The following DHX9 variants were observed in gnomAD, a reference collection of about 807,000 sequenced individuals.
The protein encoded by DHX9 is DExH-box helicase 9, also known as ATP-dependent RNA helicase A.
In DHX9, 27 loss-of-function variants were observed where a neutral mutation model predicts 148.7. That is an observed-to-expected ratio of 0.18 (90% CI 0.13 to 0.25). The LOEUF (loss-of-function observed/expected upper bound fraction) is 0.25, where lower values mean the gene tolerates loss of function less well. Among genes scored for constraint, DHX9 ranks in the 10% least tolerant of loss-of-function variants. The pLI is 1.00. For missense variants in DHX9, 796 were observed against 1,559.6 expected (o/e 0.51, Z 8.25); for synonymous variants, 529 against 516.6 (o/e 1.02, Z -0.33).
intron 6 of DHX9, among the ~76,000 whole-genome samples, chr1:182,855,353 G>T (rs1161514107): frequency 6.6e-6 from 1 of 152,174 alleles, no homozygotes; most frequent in Non-Finnish European, 1.5e-5. Context: ...ATAGATTTCT[G>T]ATACAAAGCA....
At chr1:182,850,151 A>G (rs778778028) in intron 3 of DHX9, among the ~76,000 whole-genome samples, 2 of 151,990 alleles carry the variant, frequency 1.3e-5, no homozygotes, top group African/African-American at 2.4e-5. Context: ...GTGTGGAACC[A>G]TATCCTTAAG....
Position 182,887,522 on chromosome 1 carries a change from C to T in DHX9, c.*88C>T, listed in dbSNP as rs115895928. 963 of 1,243,506 alleles carry T rather than the reference C, an allele frequency of 7.7e-4. 8 individuals carry two copies. The African/African-American group carries it at 0.013, about 17-fold the overall frequency. 77.0% of individuals were successfully genotyped at this position (1,243,506 alleles called of 1,614,324 possible). ...GTGTTTTTTCCAGTATGTTTATTTGCCACCAAAAAGTAAATGCATTTTCAC... is the reference window on the plus strand; with the variant it reads ...GTGTTTTTTCCAGTATGTTTATTTGTCACCAAAAAGTAAATGCATTTTCAC... On this transcript the variant is annotated 3_prime_UTR_variant, in exon 28 of 28. Coordinates refer to ENST00000367549, the MANE Select transcript of DHX9 (RefSeq NM_001357.5).
chr1:182,856,626 G>C (rs1210890142), intron 7 of DHX9, 48 bp downstream of exon 7: 1 of 1,549,254 alleles, frequency 6.5e-7, no homozygotes, highest in South Asian at 1.1e-5. Flanking sequence ...TATAGAGAAG[G>C]AATCTTCACA....
chr1:182,884,253 A>G (rs567989925), intron 26 of DHX9, among the ~76,000 whole-genome samples: 1 of 152,290 alleles, frequency 6.6e-6, no homozygotes, highest in Admixed American at 6.5e-5. Context: ...CGAGGGCAAC[A>G]GAGCAAGACT....
intron 2 of DHX9, 98 bp downstream of exon 2, chr1:182,842,775 AT>A (rs1667955201): frequency 1.2e-6 from 1 of 858,422 alleles, no homozygotes; most frequent in Non-Finnish European, 1.8e-6. Flanking sequence ...TGTGTTGCAC[AT>A]TAGGAAACGA....
At chr1:182,876,789 A>AT in intron 18 of DHX9, 41 bp from the exon 19 acceptor site, 1 of 1,463,824 alleles carries the variant, frequency 6.8e-7, no homozygotes, top group Non-Finnish European at 9.5e-7. Context: ...TAAGTAACTA[A>AT]TAAGAATATT....
At chr1:182,855,747 C>T in intron 6 of DHX9, 2 of 985,332 alleles carry the variant, frequency 2.0e-6, no homozygotes, top group Non-Finnish European at 2.4e-6. Flanking sequence ...AGGAGTCTAA[C>T]ATTTATTTTT....
chr1:182,878,445 A>C (rs1228429697), intron 20 of DHX9, among the ~76,000 whole-genome samples: 1 of 152,224 alleles, frequency 6.6e-6, no homozygotes, highest in Non-Finnish European at 1.5e-5. Flanking sequence ...CATTTCCCTC[A>C]TTCTATAAAA....
At chr1:182,841,568 C>G (rs548074008) in intron 1 of DHX9, among the ~76,000 whole-genome samples, 4 of 152,318 alleles carry the variant, frequency 2.6e-5, no homozygotes, top group African/African-American at 9.6e-5. Flanking sequence ...AGACTGTGGC[C>G]ACTCAGACGT....
chr1:182,872,591 A>T (rs1648593489), intron 15 of DHX9, 98 bp downstream of exon 15: 1 of 1,287,274 alleles, frequency 7.8e-7, no homozygotes, highest in Non-Finnish European at 1.1e-6. Context: ...GAATACTTAA[A>T]ATACAGGACA....
At chr1:182,881,925 CA>C (rs1406193685) in intron 24 of DHX9, among the ~76,000 whole-genome samples, 2 of 152,132 alleles carry the variant, frequency 1.3e-5, no homozygotes, top group African/African-American at 2.4e-5. Flanking sequence ...TTTCGGTGTA[CA>C]GATGATTAAA....
intron 26 of DHX9, 142 bp downstream of exon 26, chr1:182,883,777 G>GT: frequency 2.0e-6 from 1 of 495,672 alleles, no homozygotes; most frequent in Non-Finnish European, 3.5e-6. Context: ...ATTGATACCA[G>GT]TAGAAGCAAA....
At position 182,859,089 on chromosome 1, in the gene DHX9, A is replaced by G; in HGVS notation, c.1112A>G (p.Gln371Arg). 2 of 1,614,146 alleles carry G rather than the reference A, an allele frequency of 1.2e-6. No homozygotes were observed. The highest frequency in any genetic ancestry group is 1.3e-5 in the African/African-American group (1 of 75,062). Residue 371 changes from glutamine to arginine, a missense_variant, in exon 11 of 28, where the codon CAG becomes CGG. Around this residue, in one of 14 missense-constraint regions of DHX9, gnomAD observed 42 missense variants for 27.1 expected, o/e 1.55. Transcript: ENST00000367549. ...SMDLKNELMYQLEQDHDLQAI... is the reference protein window; with the variant it reads ...SMDLKNELMYRLEQDHDLQAI... ...GACCTCAAGAATGAATTGATGTACC[A>G]GTTGGAACAGGATCATGATTTGCAA...
At chr1:182,853,957 A>C in intron 5 of DHX9, 73 bp from the exon 6 acceptor site, 1 of 1,378,622 alleles carries the variant, frequency 7.3e-7, no homozygotes, top group Non-Finnish European at 1.0e-6. Flanking sequence ...CAAAGACAGT[A>C]TTAAAAATTT....
intron 15 of DHX9, among the ~76,000 whole-genome samples, chr1:182,874,594 A>G (rs1307251473): frequency 6.6e-6 from 1 of 152,208 alleles, no homozygotes; most frequent in Non-Finnish European, 1.5e-5. Context: ...GTTTGATTGA[A>G]TGTTATACAC....
chr1:182,843,077 G>GA (rs202114269), intron 2 of DHX9, among the ~76,000 whole-genome samples: 4,017 of 151,184 alleles, frequency 0.027, 76 homozygotes, highest in Admixed American at 0.049. Flanking sequence ...TGTTATATGA[G>GA]AAAAAAAAAT....
chr1:182,872,517 G>C, intron 15 of DHX9, 24 bp downstream of exon 15: 1 of 1,603,690 alleles, frequency 6.2e-7, no homozygotes, highest in South Asian at 1.1e-5. Context: ...GGTGGTATAG[G>C]AACATCTTTT....
intron 14 of DHX9, among the ~76,000 whole-genome samples, chr1:182,870,442 T>C (rs1294725612): frequency 6.6e-6 from 1 of 152,146 alleles, no homozygotes; most frequent in Non-Finnish European, 1.5e-5. Flanking sequence ...GACAGTGAGG[T>C]ACATGAGTTG....
intron 24 of DHX9, among the ~76,000 whole-genome samples, chr1:182,882,234 G>T (rs77526430): frequency 0.018 from 2,695 of 152,284 alleles, 82 homozygotes; most frequent in African/African-American, 0.062. Context: ...TCATGTGCTA[G>T]AATCTTGAGA....
Sources: allele counts gnomAD v4.1 joint callset (sites outside exome capture counted in the v4.1 genomes callset), GRCh38; gene constraint gnomAD v4.1.1; regional missense constraint gnomAD v4.1.1; transcripts MANE v1.5; gene names NCBI Gene and HGNC (gene_info 2026-07-23, HGNC 2026-07-21).